RBFOX1: variants seen among roughly 807,000 people sequenced by gnomAD.
RBFOX1 encodes the protein RNA binding protein fox-1 homolog 1.
RBFOX1 carries 8 observed loss-of-function variants against 57.7 expected under a neutral mutation model. The ratio of observed to expected loss-of-function variants is 0.14; its 90% CI spans 0.08 to 0.25. The LOEUF (loss-of-function observed/expected upper bound fraction) is 0.25. RBFOX1 is among the 10% of genes least tolerant of loss of function. RBFOX1 has a pLI of 1.00. For missense variants in RBFOX1, 611 were observed against 548.5 expected (o/e 1.11, Z -1.14); for synonymous variants, 326 against 222.4 (o/e 1.47, Z -4.15).
chr16:7,682,998 G>GTGTGTGTGTGTATATATACGTATATA (rs2075157828), intron 14 of RBFOX1, among the ~76,000 whole-genome samples: 1 of 19,708 alleles, frequency 5.1e-5, no homozygotes, highest in Non-Finnish European at 1.0e-4. Context: ...ATACTTCTAT[G>GTGTGTGTGTGTATATATACGTATATA]TGTGTGTGTG....
intron 1 of RBFOX1, among the ~76,000 whole-genome samples, chr16:5,402,411 G>A (rs1161291139): frequency 6.6e-6 from 1 of 152,120 alleles, no homozygotes; most frequent in African/African-American, 2.4e-5. Context: ...AGACGTGAGA[G>A]GCCAGTGGAA....
chr16:5,582,525 C>G (rs2046702843), intron 2 of RBFOX1, among the ~76,000 whole-genome samples: 1 of 151,258 alleles, frequency 6.6e-6, no homozygotes, highest in Non-Finnish European at 1.5e-5. Context: ...GACTTGAACC[C>G]AGGCATTTTC....
chr16:5,629,780 T>G (rs149311063), intron 3 of RBFOX1, among the ~76,000 whole-genome samples: 1 of 152,186 alleles, frequency 6.6e-6, no homozygotes, highest in South Asian at 2.1e-4. Flanking sequence ...TTCTGTTCAG[T>G]TGGAAGCAAC....
intron 3 of RBFOX1, among the ~76,000 whole-genome samples, chr16:5,864,238 C>T (rs2057293668): frequency 6.6e-6 from 1 of 152,206 alleles, no homozygotes; most frequent in South Asian, 2.1e-4. Flanking sequence ...ATGATCACAA[C>T]ACTATTCACA....
intron 2 of RBFOX1, among the ~76,000 whole-genome samples, chr16:6,606,202 A>C (rs1475804865): frequency 6.6e-6 from 1 of 152,176 alleles, no homozygotes; most frequent in African/African-American, 2.4e-5. Flanking sequence ...AGACTTGGAC[A>C]GGTAATCGGA....
intron 5 of RBFOX1, among the ~76,000 whole-genome samples, chr16:7,532,540 C>T (rs1271494380): frequency 2.0e-5 from 3 of 152,168 alleles, no homozygotes; most frequent in African/African-American, 4.8e-5. Flanking sequence ...AGGGCGTTGG[C>T]CATCTTTCTC....
chr16:7,697,642 C>T (rs1407101541), intron 14 of RBFOX1, among the ~76,000 whole-genome samples: 1 of 152,218 alleles, frequency 6.6e-6, no homozygotes, highest in East Asian at 1.9e-4. Context: ...CACTCAGGTC[C>T]AGAAACATTT....
intron 3 of RBFOX1, among the ~76,000 whole-genome samples, chr16:6,913,713 T>G (rs2072331144): frequency 6.6e-6 from 1 of 152,166 alleles, no homozygotes. Flanking sequence ...GGCTCTGTCC[T>G]CCCCTGCGTA....
chr16:6,815,439 G>A (rs927650985), intron 3 of RBFOX1, among the ~76,000 whole-genome samples: 3 of 152,080 alleles, frequency 2.0e-5, no homozygotes, highest in African/African-American at 7.2e-5. Context: ...GAGTCACTCT[G>A]GTTCAAACAC....
intron 4 of RBFOX1, among the ~76,000 whole-genome samples, chr16:7,236,873 C>G (rs73544827): frequency 0.11 from 17,282 of 152,012 alleles, 1,086 homozygotes; most frequent in Middle Eastern, 0.14. Context: ...ATTTAGTTCA[C>G]CTTCTCTAGA....
At chr16:7,444,645 A>C (rs780687123) in intron 4 of RBFOX1, among the ~76,000 whole-genome samples, 1 of 151,762 alleles carries the variant, frequency 6.6e-6, no homozygotes, top group Non-Finnish European at 1.5e-5. Flanking sequence ...TGATCCTTCT[A>C]CCTTTGTCTC....
intron 4 of RBFOX1, among the ~76,000 whole-genome samples, chr16:5,967,849 G>C (rs1030593853): frequency 6.6e-6 from 1 of 152,036 alleles, no homozygotes; most frequent in Non-Finnish European, 1.5e-5. Flanking sequence ...TGAAAGCAGG[G>C]GTATTTTGCT....
At chr16:6,606,272 A>G (rs1190714863) in intron 2 of RBFOX1, among the ~76,000 whole-genome samples, 2 of 152,118 alleles carry the variant, frequency 1.3e-5, no homozygotes, top group African/African-American at 2.4e-5. Flanking sequence ...AAGCCAATAT[A>G]TTAGAAAGCC....
chr16:5,376,566 G>A (rs1473936235), intron 1 of RBFOX1, among the ~76,000 whole-genome samples: 1 of 152,184 alleles, frequency 6.6e-6, no homozygotes, highest in Non-Finnish European at 1.5e-5. Flanking sequence ...GAAGGAAGGG[G>A]TGGTGCACAC....
Position 7,003,392 on chromosome 16 carries a change from G to A in RBFOX1, c.-15-48665G>A, listed in dbSNP as rs377654632. The stretch of plus-strand genomic sequence containing the variant: ...AGAGAATCACTTAGACCTGGGAGGC[G>A]GAGGTTGCACTGAGCAGAGATTGCG... On this transcript the variant is annotated intron_variant, in intron 3 of 15. Transcript: ENST00000550418. 3.8e-4 allele frequency among the ~76,000 whole-genome samples: 58 copies of A among 151,928 alleles called. 1 individual carries two copies. The Middle Eastern group carries it at 0.021, about 54-fold the overall frequency.
At chr16:5,376,632 G>A (rs2065990786) in intron 1 of RBFOX1, among the ~76,000 whole-genome samples, 2 of 152,186 alleles carry the variant, frequency 1.3e-5, no homozygotes, top group Admixed American at 1.3e-4. Flanking sequence ...AGACGCTAGT[G>A]CAGCTGCTGG....
At chr16:6,851,889 G>T (rs7499208) in intron 3 of RBFOX1, among the ~76,000 whole-genome samples, 58,398 of 151,274 alleles carry the variant, frequency 0.39, 11,872 homozygotes, top group African/African-American at 0.5. Context: ...TGTATTTTTT[G>T]GGGGGTTGGA....
chr16:6,691,868 G>A (rs1480628147), intron 3 of RBFOX1, among the ~76,000 whole-genome samples: 1 of 152,218 alleles, frequency 6.6e-6, no homozygotes, highest in Non-Finnish European at 1.5e-5. Flanking sequence ...GAGGAGAGAA[G>A]TGACAGTGGA....
chr16:7,004,615 C>G (rs1404515320), intron 3 of RBFOX1, among the ~76,000 whole-genome samples: 1 of 152,180 alleles, frequency 6.6e-6, no homozygotes, highest in Non-Finnish European at 1.5e-5. Flanking sequence ...TAATTTAGAA[C>G]AGTTTTCTTG....
Sources: gnomAD v4.1 joint callset for allele counts (sites outside exome capture counted in the v4.1 genomes callset) on GRCh38, gnomAD v4.1.1 for gene constraint, MANE v1.5 for transcripts, NCBI Gene and HGNC (gene_info 2026-07-23, HGNC 2026-07-21) for gene names.